The following WDR70 variants were observed in gnomAD, a reference collection of about 807,000 sequenced individuals.
WDR70 encodes WD repeat domain 70.
In WDR70, 53 loss-of-function variants were observed where a neutral mutation model predicts 88.6. The ratio of observed to expected loss-of-function variants is 0.60; its 90% CI spans 0.48 to 0.75. The LOEUF is 0.75. Ranked by LOEUF, WDR70 falls within the 30% of genes least tolerant of loss-of-function variation. WDR70 has a pLI of 0.00. For missense variants in WDR70, 610 were observed against 823.2 expected (o/e 0.74, Z 3.17); for synonymous variants, 280 against 270.0 (o/e 1.04, Z -0.36).
rs1176013957 is a variant in WDR70 at position 37,604,104 on chromosome 5, ATTC to A, written c.918-954_918-952del. 9.9e-5 allele frequency among the ~76,000 whole-genome samples: 15 copies of A among 152,230 alleles called. No homozygotes were observed. In the East Asian group the frequency reaches 1.9e-3, roughly 20 times the overall value. On this transcript the variant is annotated intron_variant, in intron 9 of 17. Coordinates refer to ENST00000265107, the MANE Select transcript of WDR70 (RefSeq NM_018034.4). ...TTACTTTCATTTTTACATTTGTAGT[ATTC>A]TTCTTTTCTTTGTGTAGATTCAGAT...
At chr5:37,671,217 T>C (rs933839777) in intron 10 of WDR70, among the ~76,000 whole-genome samples, 74 of 152,196 alleles carry the variant, frequency 4.9e-4, no homozygotes, top group African/African-American at 1.8e-3. Context: ...GACAGTCAAA[T>C]GTTGGTACAC....
At chr5:37,626,806 G>A (rs1216689384) in intron 10 of WDR70, among the ~76,000 whole-genome samples, 1 of 151,960 alleles carries the variant, frequency 6.6e-6, no homozygotes, top group Non-Finnish European at 1.5e-5. Context: ...ACTTGTAATT[G>A]GTCTATTTGT....
chr5:37,557,956 T>TACTCTTTTGAAAACTCTTCA (rs1561900797), intron 9 of WDR70, among the ~76,000 whole-genome samples: 2 of 145,032 alleles, frequency 1.4e-5, no homozygotes, highest in Non-Finnish European at 3.1e-5. Flanking sequence ...TTCAAAAGAG[T>TACTCTTTTGAAAACTCTTCA]ATTATGTATA....
At chr5:37,575,624 G>A (rs182109880) in intron 9 of WDR70, among the ~76,000 whole-genome samples, 165 of 152,294 alleles carry the variant, frequency 1.1e-3, no homozygotes, top group African/African-American at 3.8e-3. Context: ...ACCCAACTCC[G>A]TAGAGACAGA....
At chr5:37,735,110 C>G (rs1748262635) in intron 17 of WDR70, among the ~76,000 whole-genome samples, 1 of 152,080 alleles carries the variant, frequency 6.6e-6, no homozygotes, top group South Asian at 2.1e-4. Context: ...ATTTTTCTCT[C>G]TTTTCCATCC....
intron 7 of WDR70, 182 bp from the exon 8 acceptor site, chr5:37,479,652 T>G: frequency 4.9e-6 from 3 of 608,604 alleles, no homozygotes; most frequent in Non-Finnish European, 8.3e-6. Context: ...ATTATAGGCA[T>G]GAGCTACCTT....
At chr5:37,507,569 C>A (rs1194793567) in intron 8 of WDR70, among the ~76,000 whole-genome samples, 1 of 152,182 alleles carries the variant, frequency 6.6e-6, no homozygotes, top group East Asian at 1.9e-4. Context: ...TCCACAAGAT[C>A]ACCCTGTTGG....
chr5:37,446,035 A>G (rs1581285163), intron 7 of WDR70, among the ~76,000 whole-genome samples: 1 of 152,208 alleles, frequency 6.6e-6, no homozygotes, highest in South Asian at 2.1e-4. Flanking sequence ...TATATTTAGA[A>G]AACCCCATCG....
chr5:37,677,829 G>T (rs1328147894), intron 10 of WDR70, among the ~76,000 whole-genome samples: 1 of 152,136 alleles, frequency 6.6e-6, no homozygotes, highest in East Asian at 1.9e-4. Context: ...GTTGACAGTG[G>T]GGTGTTAAAG....
At chr5:37,529,260 C>T (rs1006382311) in intron 9 of WDR70, among the ~76,000 whole-genome samples, 9 of 152,034 alleles carry the variant, frequency 5.9e-5, no homozygotes, top group Non-Finnish European at 1.3e-4. Flanking sequence ...AATGTGATGC[C>T]TCCAGATTTG....
intron 9 of WDR70, among the ~76,000 whole-genome samples, chr5:37,593,723 A>G (rs1743609774): frequency 1.3e-5 from 2 of 152,340 alleles, no homozygotes; most frequent in South Asian, 4.1e-4. Context: ...AGGAATCGCC[A>G]CACTGTCTTC....
intron 8 of WDR70, among the ~76,000 whole-genome samples, chr5:37,501,997 G>A (rs146958057): frequency 8.1e-4 from 123 of 152,226 alleles, no homozygotes; most frequent in African/African-American, 2.9e-3. Flanking sequence ...GATAGGAATT[G>A]CCTTGAATCT....
intron 7 of WDR70, among the ~76,000 whole-genome samples, chr5:37,470,503 C>T (rs1739294034): frequency 1.3e-5 from 2 of 152,178 alleles, no homozygotes; most frequent in South Asian, 4.1e-4. Flanking sequence ...ATATTACCCA[C>T]AACCTTCTCA....
intron 10 of WDR70, among the ~76,000 whole-genome samples, chr5:37,623,906 A>G (rs1744586785): frequency 6.6e-6 from 1 of 152,194 alleles, no homozygotes; most frequent in Non-Finnish European, 1.5e-5. Context: ...AGTAATAATT[A>G]TACATATCCA....
At chr5:37,534,951 G>C (rs1741618105) in intron 9 of WDR70, among the ~76,000 whole-genome samples, 1 of 151,810 alleles carries the variant, frequency 6.6e-6, no homozygotes, top group Non-Finnish European at 1.5e-5. Flanking sequence ...GTAGTAATTA[G>C]TTATAAGTTA....
At chr5:37,546,690 G>A (rs997452046) in intron 9 of WDR70, among the ~76,000 whole-genome samples, 3 of 152,114 alleles carry the variant, frequency 2.0e-5, no homozygotes, top group South Asian at 2.1e-4. Flanking sequence ...AGGCTGAGGC[G>A]GGCGGAGCAC....
chr5:37,689,454 A>G (rs1746718005), intron 10 of WDR70, among the ~76,000 whole-genome samples: 1 of 152,140 alleles, frequency 6.6e-6, no homozygotes, highest in South Asian at 2.1e-4. Flanking sequence ...GACACCTCAT[A>G]TAGGTGGGTG....
At chr5:37,603,405 C>T (rs924516700) in intron 9 of WDR70, among the ~76,000 whole-genome samples, 1 of 152,176 alleles carries the variant, frequency 6.6e-6, no homozygotes. Flanking sequence ...TGGATATCCA[C>T]ATGCAGAAGA....
rs192783431 is a variant in WDR70 at position 37,645,641 on chromosome 5, T to A, written c.1092+40403T>A. The stretch of plus-strand genomic sequence containing the variant: ...GCTCCAGTAATGTTTGCTATATACA[T>A]CTGGGTGCTCCAATGTTGGGTGCAT... On this transcript the variant is annotated intron_variant, in intron 10 of 17. Coordinates refer to ENST00000265107, the MANE Select transcript of WDR70 (RefSeq NM_018034.4). 1.2e-4 allele frequency among the ~76,000 whole-genome samples: 19 copies of A among 152,248 alleles called. No homozygotes were observed. The East Asian group carries it at 3.7e-3, about 29-fold the overall frequency.
Sources: gnomAD v4.1 joint callset for allele counts (sites outside exome capture counted in the v4.1 genomes callset) on GRCh38, gnomAD v4.1.1 for gene constraint, MANE v1.5 for transcripts, NCBI Gene and HGNC (gene_info 2026-07-23, HGNC 2026-07-21) for gene names.